Variants in SGSM1 observed in about 807,000 individuals in gnomAD.
SGSM1 encodes the protein small G protein signaling modulator 1.
SGSM1 carries 73 observed loss-of-function variants against 133.8 expected under a neutral mutation model. The ratio of observed to expected loss-of-function variants is 0.55; its 90% CI spans 0.45 to 0.66. The LOEUF is 0.66. SGSM1 is among the 30% of genes least tolerant of loss of function. SGSM1 has a pLI of 0.00. For missense variants in SGSM1, 1,213 were observed against 1,448.1 expected (o/e 0.84, Z 2.64); for synonymous variants, 563 against 573.0 (o/e 0.98, Z 0.25).
rs180929076 is a variant in SGSM1 at position 24,847,142 on chromosome 22, C to T, written c.140-492C>T. 1.9e-3 allele frequency among the ~76,000 whole-genome samples: 293 copies of T among 152,148 alleles called. 2 individuals are homozygous for T. The highest frequency in any genetic ancestry group is 4.4e-3 in the Admixed American group (67 of 15,278). ...CCTCCCAAAGTGCTGGGATTACAGA[C>T]GTGAGCCACTGCGCCTGGCCCGAGA... On this transcript the variant is annotated intron_variant, in intron 3 of 24. Transcript: ENST00000400358.
At chr22:24,887,805 T>C (rs1290135358) in intron 16 of SGSM1, among the ~76,000 whole-genome samples, 1 of 152,192 alleles carries the variant, frequency 6.6e-6, no homozygotes, top group East Asian at 1.9e-4. Flanking sequence ...GACTGTATCA[T>C]TTTCTGTGTC....
At chr22:24,846,012 CA>C (rs1930125998) in intron 3 of SGSM1, among the ~76,000 whole-genome samples, 2 of 60,380 alleles carry the variant, frequency 3.3e-5, no homozygotes, top group Admixed American at 1.8e-4. Context: ...TTTCTTTCTT[CA>C]TTTCTTTCTC....
chr22:24,851,202 G>C (rs1200627076), intron 5 of SGSM1, among the ~76,000 whole-genome samples: 1 of 151,992 alleles, frequency 6.6e-6, no homozygotes, highest in Admixed American at 6.6e-5. Flanking sequence ...TTTATAGTGT[G>C]AGCCCTCTTG....
chr22:24,890,207 T>G (rs556695737), intron 16 of SGSM1, among the ~76,000 whole-genome samples: 1 of 152,084 alleles, frequency 6.6e-6, no homozygotes, highest in Non-Finnish European at 1.5e-5. Context: ...CCGCCCGCCT[T>G]GGCCTCCCAA....
At chr22:24,850,640 T>C (rs1229826502) in intron 5 of SGSM1, among the ~76,000 whole-genome samples, 1 of 152,216 alleles carries the variant, frequency 6.6e-6, no homozygotes, top group Admixed American at 6.5e-5. Context: ...ATAGGGATCC[T>C]GGGTTTCTTC....
At chr22:24,919,405 A>T (rs1183501280) in intron 23 of SGSM1, among the ~76,000 whole-genome samples, 1 of 152,116 alleles carries the variant, frequency 6.6e-6, no homozygotes, top group Non-Finnish European at 1.5e-5. Flanking sequence ...CTCAGAGGCC[A>T]CAGCCGGCTC....
intron 12 of SGSM1, among the ~76,000 whole-genome samples, chr22:24,875,720 G>A (rs746561943): frequency 6.6e-6 from 1 of 152,128 alleles, no homozygotes; most frequent in Non-Finnish European, 1.5e-5. Flanking sequence ...AAGAGGCCAG[G>A]AAGTTGACTA....
chr22:24,916,401 CT>C (rs1933823846), intron 22 of SGSM1, among the ~76,000 whole-genome samples: 1 of 152,072 alleles, frequency 6.6e-6, no homozygotes, highest in Admixed American at 6.6e-5. Flanking sequence ...TGTATCAAAA[CT>C]TAGTTCGAGG....
At chr22:24,871,003 G>A (rs1162969102) in intron 12 of SGSM1, among the ~76,000 whole-genome samples, 1 of 152,150 alleles carries the variant, frequency 6.6e-6, no homozygotes, top group Non-Finnish European at 1.5e-5. Flanking sequence ...GTCTGCCCTT[G>A]AGGAAACTCC....
chr22:24,828,447 A>C (rs374704429), intron 2 of SGSM1, among the ~76,000 whole-genome samples: 3 of 152,356 alleles, frequency 2.0e-5, no homozygotes, highest in Admixed American at 1.3e-4. Context: ...AAAAGGGGGC[A>C]AATGACATGA....
intron 16 of SGSM1, among the ~76,000 whole-genome samples, chr22:24,890,174 T>TC (rs1440502399): frequency 6.6e-6 from 1 of 152,026 alleles, no homozygotes; most frequent in East Asian, 1.9e-4. Flanking sequence ...GATAGGATGG[T>TC]CTCGATCTCC....
At chr22:24,858,651 A>G (rs935315999) in intron 8 of SGSM1, among the ~76,000 whole-genome samples, 3 of 150,960 alleles carry the variant, frequency 2.0e-5, no homozygotes, top group East Asian at 2.0e-4. Flanking sequence ...AAAAAAAAAA[A>G]AAAAAGAAGA....
At chr22:24,863,091 G>A (rs1035197763) in intron 9 of SGSM1, among the ~76,000 whole-genome samples, 3 of 152,154 alleles carry the variant, frequency 2.0e-5, no homozygotes, top group African/African-American at 2.4e-5. Context: ...GCAGATAATC[G>A]GGGACCCGTG....
chr22:24,851,499 C>T (rs1482552999), intron 5 of SGSM1, among the ~76,000 whole-genome samples: 2 of 151,378 alleles, frequency 1.3e-5, no homozygotes, highest in Non-Finnish European at 2.9e-5. Context: ...ATCTCAGAAT[C>T]TCTCCATCTT....
chr22:24,868,550 A>T lies in SGSM1; in HGVS notation c.1158+11A>T. 6.2e-7 allele frequency: 1 copy of T among 1,613,724 alleles called. No individual in the cohort carries two copies. On this transcript the variant is annotated intron_variant, in intron 11 of 24. Transcript: ENST00000400358. ...TCCCAGAGGGGTAAGGTGAGTGATC[A>T]TCGGGACCCAGGGAGGCTGGGGTGG... is the stretch of plus-strand genomic sequence containing the variant.
At chr22:24,900,413 T>TTCTTTCTTTCTTTCTTTCTTTCTTTCTC (rs1555935573) in intron 19 of SGSM1, among the ~76,000 whole-genome samples, 1 of 141,850 alleles carries the variant, frequency 7.0e-6, no homozygotes, top group African/African-American at 2.9e-5. Flanking sequence ...CTTTCTGTAT[T>TTCTTTCTTTCTTTCTTTCTTTCTTTCTC]TTTGAGACAG....
chr22:24,851,263 AC>A (rs1235469898), intron 5 of SGSM1, among the ~76,000 whole-genome samples: 1 of 152,050 alleles, frequency 6.6e-6, no homozygotes, highest in African/African-American at 2.4e-5. Flanking sequence ...TTAAATGAGG[AC>A]CTGCTGTGTA....
chr22:24,825,095 TAGG>T (rs2147800707), intron 2 of SGSM1, among the ~76,000 whole-genome samples: 2 of 152,254 alleles, frequency 1.3e-5, no homozygotes, highest in African/African-American at 4.8e-5. Flanking sequence ...GGAAGGCTTC[TAGG>T]AGGAGGTGAC....
intron 2 of SGSM1, among the ~76,000 whole-genome samples, chr22:24,837,154 C>G (rs1307413466): frequency 1.3e-5 from 2 of 152,082 alleles, no homozygotes. Context: ...GGTAGTGGCC[C>G]CAAATGTCTG....
Sources: allele counts gnomAD v4.1 joint callset (sites outside exome capture counted in the v4.1 genomes callset), GRCh38; gene constraint gnomAD v4.1.1; transcripts MANE v1.5; gene names NCBI Gene and HGNC (gene_info 2026-07-23, HGNC 2026-07-21).